Variants in SH3KBP1 observed in about 807,000 individuals in gnomAD.
The protein encoded by SH3KBP1 is SH3 domain-containing kinase-binding protein 1.
A neutral mutation model predicts 50.1 loss-of-function variants in SH3KBP1; 8 were observed. The ratio of observed to expected loss-of-function variants is 0.16; its 90% CI spans 0.09 to 0.29. The LOEUF (loss-of-function observed/expected upper bound fraction) is 0.29, where lower values mean the gene tolerates loss of function less well. SH3KBP1 is among the 10% of genes least tolerant of loss of function. SH3KBP1 has a pLI of 1.00. For synonymous variants in SH3KBP1, 227 were observed against 218.6 expected (o/e 1.04, Z -0.34); for missense variants, 377 against 535.2 (o/e 0.70, Z 2.92).
At chrX:19,709,737 T>C (rs1400274956) in intron 3 of SH3KBP1, among the ~76,000 whole-genome samples, 1 of 111,994 alleles carries the variant, frequency 8.9e-6, no homozygotes, top group Non-Finnish European at 1.9e-5. Context: ...TTGAATTTGT[T>C]TGCCAGTACC....
At chrX:19,585,201 C>T (rs766601181) in intron 12 of SH3KBP1, among the ~76,000 whole-genome samples, 1 of 111,356 alleles carries the variant, frequency 9.0e-6, no homozygotes, top group East Asian at 2.8e-4. Flanking sequence ...ATGTAAGACA[C>T]GCATACTAAA....
At chrX:19,661,628 T>C (rs1243836710) in intron 6 of SH3KBP1, among the ~76,000 whole-genome samples, 2 of 92,662 alleles carry the variant, frequency 2.2e-5, no homozygotes, top group African/African-American at 8.2e-5. Flanking sequence ...ATAAAGGTTG[T>C]TTTTTTTTTT....
intron 3 of SH3KBP1, among the ~76,000 whole-genome samples, chrX:19,720,415 C>T (rs1437983561): frequency 1.8e-5 from 2 of 111,668 alleles, no homozygotes; most frequent in East Asian, 2.8e-4. Context: ...AAGCACACTG[C>T]TTTTCCCTGC....
intron 1 of SH3KBP1, among the ~76,000 whole-genome samples, chrX:19,864,307 C>T (rs1264674274): frequency 1.8e-5 from 2 of 110,274 alleles, no homozygotes; most frequent in Non-Finnish European, 3.8e-5. Context: ...TGTGGATTGG[C>T]AGAACAACAC....
At chrX:19,796,019 A>G (rs2066701154) in intron 2 of SH3KBP1, among the ~76,000 whole-genome samples, 1 of 111,753 alleles carries the variant, frequency 8.9e-6, no homozygotes, top group African/African-American at 3.3e-5. Flanking sequence ...GGGCCACGTA[A>G]TCAGTTTAGA....
intron 2 of SH3KBP1, among the ~76,000 whole-genome samples, chrX:19,819,453 C>T (rs1335520523): frequency 1.8e-5 from 2 of 111,233 alleles, no homozygotes; most frequent in African/African-American, 6.5e-5. Flanking sequence ...CCCACCTCAG[C>T]CTTTTGAGTA....
At chrX:19,857,430 G>C (rs771779521) in intron 1 of SH3KBP1, among the ~76,000 whole-genome samples, 1 of 110,863 alleles carries the variant, frequency 9.0e-6, no homozygotes, top group African/African-American at 3.3e-5. Context: ...TTGATTAAGA[G>C]ACATTCCTGT....
At position 19,687,626 on chromosome X, in the gene SH3KBP1, G is replaced by A. The variant is rs747832602; in HGVS notation, c.521-3598C>T. The A allele has an allele frequency of 3.9e-5, 47 of 1,203,157 alleles. No individual in the cohort carries two copies. The Admixed American group carries it at 8.5e-4, about 22-fold the overall frequency. ...TGTTAAGGTCACTCACTGTAATAGC[G>A]TCTGTGGCCCTCCGTCTTTCCCGGT... is the stretch of plus-strand genomic sequence containing the variant. On this transcript the variant is annotated intron_variant, in intron 5 of 17. Coordinates refer to ENST00000397821, the MANE Select transcript of SH3KBP1 (RefSeq NM_031892.3).
chrX:19,539,440 C>G (rs2064818032), intron 16 of SH3KBP1, among the ~76,000 whole-genome samples: 1 of 111,476 alleles, frequency 9.0e-6, no homozygotes, highest in African/African-American at 3.3e-5. Flanking sequence ...CATCATGCAC[C>G]CATATCTCAG....
At chrX:19,819,583 C>A (rs1296921172) in intron 2 of SH3KBP1, among the ~76,000 whole-genome samples, 1 of 111,043 alleles carries the variant, frequency 9.0e-6, no homozygotes, top group African/African-American at 3.3e-5. Flanking sequence ...GTCCTGGGCT[C>A]AAGTGATCCT....
intron 9 of SH3KBP1, among the ~76,000 whole-genome samples, chrX:19,599,394 T>C (rs2067008050): frequency 8.9e-6 from 1 of 111,891 alleles, no homozygotes; most frequent in African/African-American, 3.3e-5. Flanking sequence ...GAGAGGAAAA[T>C]GTTGCACTAA....
chrX:19,848,084 C>T (rs2068409322), intron 1 of SH3KBP1, among the ~76,000 whole-genome samples: 2 of 112,163 alleles, frequency 1.8e-5, no homozygotes, highest in South Asian at 7.3e-4. Flanking sequence ...CAGCCTCACA[C>T]CAAAAGACTC....
At chrX:19,559,566 T>A (rs1209717114) in intron 13 of SH3KBP1, among the ~76,000 whole-genome samples, 2 of 110,106 alleles carry the variant, frequency 1.8e-5, no homozygotes, top group Non-Finnish European at 3.8e-5. Context: ...CCTGACCTCG[T>A]GATCCACCTG....
At chrX:19,559,003 C>G (rs950850232) in intron 13 of SH3KBP1, among the ~76,000 whole-genome samples, 1 of 110,750 alleles carries the variant, frequency 9.0e-6, no homozygotes, top group Admixed American at 9.6e-5. Flanking sequence ...TGTGGTGGCT[C>G]ATGCCTGTAA....
intron 14 of SH3KBP1, among the ~76,000 whole-genome samples, chrX:19,549,703 A>G (rs2065186073): frequency 8.9e-6 from 1 of 112,241 alleles, no homozygotes; most frequent in Non-Finnish European, 1.9e-5. Context: ...TCAGGTTAAA[A>G]TAAGAATCAG....
intron 7 of SH3KBP1, among the ~76,000 whole-genome samples, chrX:19,632,350 C>T: frequency 8.9e-6 from 1 of 112,404 alleles, no homozygotes; most frequent in Middle Eastern, 4.6e-3. Context: ...GCCTCACTGC[C>T]TTTTCCCACA....
intron 1 of SH3KBP1, among the ~76,000 whole-genome samples, chrX:19,842,010 A>G (rs902795649): frequency 9.0e-6 from 1 of 110,594 alleles, no homozygotes; most frequent in Admixed American, 9.7e-5. Flanking sequence ...TTAAAAAAAA[A>G]CTATGTTCAA....
At chrX:19,876,391 C>G (rs750758595) in intron 1 of SH3KBP1, among the ~76,000 whole-genome samples, 2 of 111,120 alleles carry the variant, frequency 1.8e-5, no homozygotes, top group Admixed American at 9.6e-5. Context: ...AAAAAAAACA[C>G]CTAGATGGGT....
chrX:19,707,830 GAGACAGAC>G (rs56755263), intron 3 of SH3KBP1, among the ~76,000 whole-genome samples: 17,122 of 107,153 alleles, frequency 0.16, 1,217 homozygotes, highest in African/African-American at 0.22. Flanking sequence ...GGGTGAGGGT[GAGACAGAC>G]AGACAGACAG....
Sources: gnomAD v4.1 joint callset for allele counts (sites outside exome capture counted in the v4.1 genomes callset) on GRCh38, gnomAD v4.1.1 for gene constraint, MANE v1.5 for transcripts, NCBI Gene and HGNC (gene_info 2026-07-23, HGNC 2026-07-21) for gene names.